Variants in NCALD observed in about 807,000 individuals in gnomAD.
NCALD encodes the protein neurocalcin-delta.
Under a neutral mutation model 18.6 loss-of-function variants are expected in NCALD, and 10 were observed. That is an observed-to-expected ratio of 0.54 (90% confidence interval 0.33 to 0.91). NCALD has a LOEUF of 0.91. NCALD is among the 40% of genes least tolerant of loss of function. The probability of loss-of-function intolerance (pLI) is 0.03; values close to 1 mark genes in which losing one functional copy is unlikely to be tolerated. For synonymous variants in NCALD, 88 were observed against 87.4 expected (o/e 1.01, Z -0.04); for missense variants, 184 against 247.6 (o/e 0.74, Z 1.72).
At chr8:101,792,365 C>G (rs577702182), upstream of NCALD, among the ~76,000 whole-genome samples, 22 of 152,300 alleles carry the variant, frequency 1.4e-4, no homozygotes, top group South Asian at 3.7e-3. Context: ...CCTACTCCAT[C>G]CTCCTTTTCA....
intron 1 of NCALD, among the ~76,000 whole-genome samples, chr8:102,089,409 A>G (rs1181755563): frequency 1.3e-5 from 2 of 151,822 alleles, no homozygotes; most frequent in Non-Finnish European, 2.9e-5. Context: ...AAAAAAAAAA[A>G]AGAAAGAAAA....
intron 3 of NCALD, chr8:101,690,364 C>T (rs1282516361): frequency 2.0e-6 from 2 of 984,204 alleles, no homozygotes; most frequent in Admixed American, 6.1e-5. Context: ...GCTTTGCCCT[C>T]CCTTTTTCTC....
Position 101,963,886 on chromosome 8 carries a change from C to T in NCALD, c.-156-48028G>A, listed in dbSNP as rs563220158. On this transcript the variant is annotated intron_variant, in intron 2 of 6. Coordinates refer to the NCALD transcript ENST00000311028. ...ACAGTAGTTCACAGTCTCACTGATA[C>T]GGAAAGGATCTTAATGGTCTCCTCT... Among the ~76,000 whole-genome samples the T allele has an allele frequency of 6.6e-5, 10 of 152,084 alleles. No homozygotes were observed. The South Asian group carries it at 1.0e-3, about 16-fold the overall frequency.
chr8:101,806,885 C>CA lies in NCALD; in HGVS notation c.-20+80255dup, dbSNP rs113538590. Among the ~76,000 whole-genome samples, 952 of 134,142 alleles carry CA rather than the reference C, an allele frequency of 7.1e-3. 10 individuals are homozygous for CA. The highest frequency in any genetic ancestry group is 0.021 in the African/African-American group (761 of 36,896). The allele number at this position is 134,142 out of a possible 152,430, so 88.0% of individuals were successfully genotyped here. On this transcript the variant is annotated intron_variant, in intron 4 of 6. Transcript: ENST00000311028. The stretch of plus-strand genomic sequence containing the variant: ...TAGTTAAAATGCTGAAAGACAAAGA[C>CA]AAAAAAAAAAAATTGAAAGCAGCAA...
chr8:101,872,862 A>C (rs1043308330), intron 4 of NCALD, among the ~76,000 whole-genome samples: 4 of 152,180 alleles, frequency 2.6e-5, no homozygotes, highest in African/African-American at 9.7e-5. Flanking sequence ...AGAATATCAT[A>C]CTTTGGGCCT....
intron 3 of NCALD, among the ~76,000 whole-genome samples, chr8:101,896,207 G>A (rs1405724182): frequency 1.3e-5 from 2 of 152,054 alleles, no homozygotes; most frequent in East Asian, 1.9e-4. Flanking sequence ...CAGAAGTAAT[G>A]CCACATATCT....
intron 1 of NCALD, among the ~76,000 whole-genome samples, chr8:101,787,212 G>T (rs1314457599): frequency 1.3e-5 from 2 of 152,170 alleles, no homozygotes; most frequent in African/African-American, 2.4e-5. Flanking sequence ...GAAGCAAACA[G>T]TACAGCCTGG....
intron 2 of NCALD, among the ~76,000 whole-genome samples, chr8:101,695,555 C>A (rs1814951362): frequency 6.6e-6 from 1 of 152,060 alleles, no homozygotes; most frequent in East Asian, 1.9e-4. Context: ...CTCACCTACC[C>A]CATCTCCCCT....
rs79222011 is a variant in NCALD at position 101,985,208 on chromosome 8, C to T, written c.-157+35029G>A. Reference sequence around the variant, plus strand: ...ACAGAAGACAGGGCTCCCCTCACCCCGGGTCTTCTGATGACCCACCCCCAG... The same window carrying T: ...ACAGAAGACAGGGCTCCCCTCACCCTGGGTCTTCTGATGACCCACCCCCAG... On this transcript the variant is annotated intron_variant, in intron 2 of 6. Coordinates refer to the NCALD transcript ENST00000311028. Among the ~76,000 whole-genome samples the T allele has an allele frequency of 4.3e-3, 661 of 152,266 alleles. 3 individuals carry two copies. The highest frequency in any genetic ancestry group is 0.015 in the African/African-American group (618 of 41,554).
intron 2 of NCALD, among the ~76,000 whole-genome samples, chr8:102,015,234 C>T (rs1822044088): frequency 6.6e-6 from 1 of 152,020 alleles, no homozygotes; most frequent in South Asian, 2.1e-4. Context: ...TCTCATCACC[C>T]TATCTTGAAG....
At chr8:102,052,072 A>G (rs1823476265) in intron 1 of NCALD, among the ~76,000 whole-genome samples, 1 of 152,232 alleles carries the variant, frequency 6.6e-6, no homozygotes, top group Non-Finnish European at 1.5e-5. Context: ...ATCAACAGCC[A>G]GGTAAATGGG....
intron 2 of NCALD, among the ~76,000 whole-genome samples, chr8:101,999,472 G>A (rs1037473923): frequency 6.6e-6 from 1 of 152,144 alleles, no homozygotes; most frequent in African/African-American, 2.4e-5. Flanking sequence ...TAAGCTATGA[G>A]GATGCAAAGG....
intron 1 of NCALD, among the ~76,000 whole-genome samples, chr8:101,743,170 C>T (rs1429237435): frequency 1.3e-5 from 2 of 152,134 alleles, no homozygotes; most frequent in Admixed American, 6.5e-5. Context: ...CACTTTAGCA[C>T]ATGAGAGATG....
At chr8:101,888,221 G>T (rs1816744430) in intron 3 of NCALD, among the ~76,000 whole-genome samples, 1 of 152,080 alleles carries the variant, frequency 6.6e-6, no homozygotes, top group South Asian at 2.1e-4. Flanking sequence ...GTGGGAAGTG[G>T]ATCAGCAAAT....
In NCALD at chr8:102,015,371, C is replaced by A. The variant is rs111379896; in HGVS notation, c.-157+4866G>T. ...TCCTGCAAAGGAACAAAGAAAAATGCCCAACACAGCCAACCCAAGAAAAGA... is the reference window on the plus strand; with the variant it reads ...TCCTGCAAAGGAACAAAGAAAAATGACCAACACAGCCAACCCAAGAAAAGA... On this transcript the variant is annotated intron_variant, in intron 2 of 6. Transcript: ENST00000311028. Among the ~76,000 whole-genome samples, 487 of 152,262 alleles carry A rather than the reference C, an allele frequency of 3.2e-3. 2 individuals are homozygous for A. The highest frequency in any genetic ancestry group is 0.011 in the African/African-American group (453 of 41,538).
At chr8:101,879,659 C>T (rs774643054) in intron 4 of NCALD, among the ~76,000 whole-genome samples, 34 of 152,290 alleles carry the variant, frequency 2.2e-4, no homozygotes, top group Non-Finnish European at 4.3e-4. Context: ...GTCCATTTTA[C>T]AGAGAGCTGA....
intron 1 of NCALD, chr8:101,749,942 T>TGA (rs1810582964): frequency 6.6e-6 from 1 of 152,464 alleles, no homozygotes; most frequent in Non-Finnish European, 1.5e-5. Context: ...TCTGTTCTCA[T>TGA]GCTGCTAATA....
In NCALD at chr8:101,928,600, C is replaced by CTT. The variant is rs58400436; in HGVS notation, c.-156-12744_-156-12743dup. 3.9e-3 allele frequency among the ~76,000 whole-genome samples: 556 copies of CTT among 143,718 alleles called. 5 individuals are homozygous for CTT. Among genetic ancestry groups the CTT allele is most frequent in the African/African-American group, 0.01 (402 of 39,842 alleles). The allele number at this position is 143,718 out of a possible 152,430, so 94.3% of individuals were successfully genotyped here. A position where few individuals can be genotyped will look rare whatever the true frequency, so the allele number is the denominator to read the frequency against. ...ATCAAATGGGCTCAGGCTATGGACA[C>CTT]TTTTTTTTTTTTTTAAGTTTTCTGT... On this transcript the variant is annotated intron_variant, in intron 2 of 6. Transcript: ENST00000311028.
intron 2 of NCALD, chr8:102,020,132 G>A (rs1563547860): frequency 1.3e-5 from 2 of 152,068 alleles, no homozygotes; most frequent in Non-Finnish European, 2.9e-5. Context: ...AGACTCATAA[G>A]GCTAAAATGA....
Sources: gnomAD v4.1 joint callset for allele counts (sites outside exome capture counted in the v4.1 genomes callset) on GRCh38, gnomAD v4.1.1 for gene constraint, MANE v1.5 for transcripts, NCBI Gene and HGNC (gene_info 2026-07-23, HGNC 2026-07-21) for gene names.